Variants in HNRNPUL1 observed in about 807,000 individuals in gnomAD.
The protein encoded by HNRNPUL1 is heterogeneous nuclear ribonucleoprotein U like 1.
In HNRNPUL1, 14 loss-of-function variants were observed where a neutral mutation model predicts 108.5. The ratio of observed to expected loss-of-function variants is 0.13; its 90% CI spans 0.09 to 0.20. The LOEUF is 0.20. Among genes scored for constraint, HNRNPUL1 ranks in the 10% least tolerant of loss-of-function variants. The pLI, the probability that HNRNPUL1 is intolerant of heterozygous loss-of-function variation, is 1.00. For synonymous variants in HNRNPUL1, 422 were observed against 445.2 expected (o/e 0.95, Z 0.66); for missense variants, 804 against 1,168.3 (o/e 0.69, Z 4.55).
chr19:41,269,870 G>A (rs1315099057), intron 2 of HNRNPUL1, among the ~76,000 whole-genome samples: 1 of 151,966 alleles, frequency 6.6e-6, no homozygotes, highest in African/African-American at 2.4e-5. Context: ...AGGCTGAGGT[G>A]GGAGGATTGC....
At chr19:41,266,134 A>G (rs1048350725) in intron 1 of HNRNPUL1, among the ~76,000 whole-genome samples, 2 of 152,120 alleles carry the variant, frequency 1.3e-5, no homozygotes, top group South Asian at 2.1e-4. Context: ...ATCTTCAGTT[A>G]GAAAAAAAGC....
At chr19:41,281,315 G>T in intron 7 of HNRNPUL1, 40 bp downstream of exon 7, 3 of 1,388,800 alleles carry the variant, frequency 2.2e-6, no homozygotes, top group Non-Finnish European at 3.1e-6. Context: ...AGAACCAGAT[G>T]TTGGGCTACA....
In HNRNPUL1 at chr19:41,281,147, C is replaced by G; in HGVS notation, c.887-16C>G. ...CATCGCAGGTTTAACCTGCCTTTGC[C>G]TATTTCTTCCGTCAGGCGAAGAGCC... On this transcript the variant is annotated splice_polypyrimidine_tract_variant and intron_variant, in intron 6 of 14. Coordinates refer to ENST00000392006, the MANE Select transcript of HNRNPUL1 (RefSeq NM_007040.6). 1.9e-6 allele frequency: 3 copies of G among 1,582,996 alleles called. No homozygotes were observed. Among genetic ancestry groups the G allele is most frequent in the Non-Finnish European group, 2.6e-6 (3 of 1,151,700 alleles).
chr19:41,281,316 T>C lies in HNRNPUL1; in HGVS notation c.999+41T>C, dbSNP rs774145913. 8.7e-6 allele frequency: 12 copies of C among 1,379,388 alleles called. No individual in the cohort carries two copies. In the African/African-American group the frequency reaches 1.4e-4, roughly 16 times the overall value. The allele number at this position is 1,379,388 out of a possible 1,614,324, so 85.4% of individuals were successfully genotyped here. ...CTGTGGGAGTTGGCAGAACCAGATG[T>C]TGGGCTACAGACTTCTTTTTCAGGA... On this transcript the variant is annotated intron_variant, in intron 7 of 14. Transcript: ENST00000392006.
In HNRNPUL1 at chr19:41,294,218, T is replaced by C. The variant is rs1427490003; in HGVS notation, c.1267-120T>C. ...AGTACTGTGAGGTAGATGGTATTAC[T>C]GCTTCCGCTTTGTAGAGGCAGCCAC... On this transcript the variant is annotated intron_variant, in intron 8 of 14. Transcript: ENST00000392006. The surrounding 1 kb of genome is among the most constrained non-coding windows in gnomAD (Gnocchi z 4.3). The C allele has an allele frequency of 8.9e-7, 1 of 1,118,110 alleles. No homozygotes were observed. Among genetic ancestry groups the C allele is most frequent in the Non-Finnish European group, 1.3e-6 (1 of 763,456 alleles). 69.3% of individuals were successfully genotyped at this position (1,118,110 alleles called of 1,614,324 possible). A position where few individuals can be genotyped will look rare whatever the true frequency, so the allele number is the denominator to read the frequency against.
rs1240246636 is a variant in HNRNPUL1 at position 41,264,410 on chromosome 19, C to A, written c.-94C>A. The A allele has an allele frequency of 1.8e-6, 2 of 1,116,170 alleles. No individual in the cohort carries two copies. Among genetic ancestry groups the A allele is most frequent in the African/African-American group, 3.3e-5 (2 of 61,526 alleles). The allele number at this position is 1,116,170 out of a possible 1,614,324, so 69.1% of individuals were successfully genotyped here. On this transcript the variant is annotated 5_prime_UTR_variant, in exon 1 of 15. Transcript: ENST00000392006. ...GCCGCCATTGGAGTGGGCCCCCCCC[C>A]TTTCCCCCTTCGCCTCCTGACAGGA...
At chr19:41,282,199 G>C (rs962379556) in intron 7 of HNRNPUL1, among the ~76,000 whole-genome samples, 1 of 151,760 alleles carries the variant, frequency 6.6e-6, no homozygotes, top group Non-Finnish European at 1.5e-5. Context: ...ATTTATTTTT[G>C]AGATGAGTTT....
intron 6 of HNRNPUL1, among the ~76,000 whole-genome samples, chr19:41,279,621 T>G (rs1168979793): frequency 6.6e-6 from 1 of 152,180 alleles, no homozygotes; most frequent in East Asian, 1.9e-4. Context: ...GGCTGCCTAT[T>G]GAAAGGTTTT....
At chr19:41,293,523 G>A (rs575604784) in intron 8 of HNRNPUL1, among the ~76,000 whole-genome samples, 2 of 152,262 alleles carry the variant, frequency 1.3e-5, no homozygotes, top group East Asian at 3.9e-4. Context: ...CATTTAAGAT[G>A]CATCTGTGTT....
At position 41,292,412 on chromosome 19, in the gene HNRNPUL1, C is replaced by T; in HGVS notation, c.1167C>T (p.Pro389=). 1 of 1,614,222 alleles carries T rather than the reference C, an allele frequency of 6.2e-7. No homozygotes were observed. Among genetic ancestry groups the T allele is most frequent in the Non-Finnish European group, 8.5e-7 (1 of 1,180,032 alleles). ...VEFNFGQRAE[P]YCSVLPGFTF... Reference sequence around the variant, plus strand: ...TCAACTTCGGACAGAGAGCAGAGCCCTACTGTTCTGTCCTCCCGGGGTTTA... The same window carrying T: ...TCAACTTCGGACAGAGAGCAGAGCCTTACTGTTCTGTCCTCCCGGGGTTTA... The change falls in exon 8 of 15, where the codon CCC becomes CCT. Residue 389 remains proline (P), a synonymous_variant. Transcript: ENST00000392006. The surrounding 1 kb of genome is among the most constrained non-coding windows in gnomAD (Gnocchi z 4.1).
At chr19:41,304,675 G>A (rs1446743264) in intron 13 of HNRNPUL1, among the ~76,000 whole-genome samples, 1 of 152,200 alleles carries the variant, frequency 6.6e-6, no homozygotes, top group African/African-American at 2.4e-5. Flanking sequence ...GGGCACTAAG[G>A]TTGCTGAGGA....
chr19:41,264,678 C>T lies in HNRNPUL1; in HGVS notation c.175C>T (p.His59Tyr). 4 of 1,576,942 alleles carry T rather than the reference C, an allele frequency of 2.5e-6. No homozygotes were observed. The highest frequency in any genetic ancestry group is 1.1e-5 in the South Asian group (1 of 88,908). The change falls in exon 1 of 15, where the codon CAC (histidine) becomes TAC (tyrosine). Residue 59 changes from histidine (H) to tyrosine (Y), a missense_variant. By Grantham distance (83) the His-to-Tyr change is moderately conservative. Coordinates refer to ENST00000392006, the MANE Select transcript of HNRNPUL1 (RefSeq NM_007040.6). ...CGACGACGAACCGGGGCGACCCGGG[C>T]ACATCAACGAGGAGGTCGAGACCGA... Reference protein sequence around the residue: ...DADDEPGRPGHINEEVETEGG... With the variant: ...DADDEPGRPGYINEEVETEGG...
In HNRNPUL1 at chr19:41,272,224, A is replaced by G; in HGVS notation, c.561A>G (p.Arg187=). 1.2e-6 allele frequency: 2 copies of G among 1,613,602 alleles called. No homozygotes were observed. The highest frequency in any genetic ancestry group is 2.2e-5 in the South Asian group (2 of 91,050). ...ENRGRGYFEH[R]EDRRGRSPQP... is the part of the protein sequence containing the mutation. ...GGGGACGGGGGTACTTTGAGCACCG[A>G]GAGGATAGGAGGTGGGTGTATGAGG... Residue 187 remains arginine, a synonymous_variant, in exon 3 of 15, where the codon CGA becomes CGG. Transcript: ENST00000392006.
chr19:41,301,840 C>A, intron 11 of HNRNPUL1, 136 bp downstream of exon 11: 1 of 798,920 alleles, frequency 1.3e-6, no homozygotes, highest in East Asian at 2.8e-5. Context: ...CTGCTTTGTC[C>A]CTTCCTTGTC....
At chr19:41,298,343 G>A (rs76082241) in intron 10 of HNRNPUL1, 8,305 of 152,360 alleles carry the variant, frequency 0.055, 292 homozygotes, top group South Asian at 0.11. Context: ...TTCAAGCAGG[G>A]TGGGACTGGG....
intron 1 of HNRNPUL1, 73 bp downstream of exon 1, chr19:41,264,871 C>T (rs2034714809): frequency 7.4e-7 from 1 of 1,343,402 alleles, no homozygotes; most frequent in South Asian, 1.9e-5. Context: ...ACGCGGGAGT[C>T]CAGCGCCTGA....
intron 4 of HNRNPUL1, among the ~76,000 whole-genome samples, chr19:41,274,819 T>G (rs2035453018): frequency 6.6e-6 from 1 of 152,224 alleles, no homozygotes; most frequent in Non-Finnish European, 1.5e-5. Flanking sequence ...CATGCTTTAG[T>G]AAGAGATAAA....
At chr19:41,303,946 C>G (rs1568461251) in intron 12 of HNRNPUL1, 26 bp from the exon 13 acceptor site, 1 of 1,586,892 alleles carries the variant, frequency 6.3e-7, no homozygotes, top group Admixed American at 1.7e-5. Flanking sequence ...ATGATGGCGC[C>G]TTTCATCTGG....
At chr19:41,283,344 G>A (rs562219286) in intron 7 of HNRNPUL1, among the ~76,000 whole-genome samples, 9 of 152,216 alleles carry the variant, frequency 5.9e-5, no homozygotes, top group African/African-American at 1.9e-4. Flanking sequence ...CTCGTGGCGC[G>A]ATCTCAACTC....
Sources: gnomAD v4.1 joint callset for allele counts (sites outside exome capture counted in the v4.1 genomes callset) on GRCh38, gnomAD v4.1.1 for gene constraint, Gnocchi (gnomAD v3.1) non-coding constraint, MANE v1.5 for transcripts, NCBI Gene and HGNC (gene_info 2026-07-23, HGNC 2026-07-21) for gene names.